PPP2R5C: variants seen among roughly 807,000 people sequenced by gnomAD.
PPP2R5C encodes the protein serine/threonine-protein phosphatase 2A 56 kDa regulatory subunit gamma isoform.
In PPP2R5C, 7 loss-of-function variants were observed where a neutral mutation model predicts 68.9. The observed-to-expected ratio is 0.10, with a 90% CI of 0.06 to 0.19. PPP2R5C has a LOEUF of 0.19. Among genes scored for constraint, PPP2R5C ranks in the 10% least tolerant of loss-of-function variants. The pLI is 1.00. For synonymous variants in PPP2R5C, 210 were observed against 222.2 expected (o/e 0.95, Z 0.49); for missense variants, 348 against 641.3 (o/e 0.54, Z 4.94).
chr14:101,925,106 G>A, intron 13 of PPP2R5C, 35 bp from the exon 16 acceptor site: 3 of 1,611,534 alleles, frequency 1.9e-6, no homozygotes, highest in South Asian at 2.2e-5. Context: ...AGATAGCTTA[G>A]TTTGTAGCCA....
rs1215471851 is a variant in PPP2R5C, at chr14:101,825,228, G to GTGTGTT, written c.94+15197_94+15198insTTGTGT. ...GTTTTCAGCGTGTGTGTGTGTGTGTGTGTGTGTGTGTGTGTGTGTGTTGAT... is the reference window on the plus strand; with the variant it reads ...GTTTTCAGCGTGTGTGTGTGTGTGTGTGTGTTTGTGTGTGTGTGTGTGTGTGTTGAT... On this transcript the variant is annotated intron_variant, in intron 1 of 13. Coordinates refer to ENST00000334743, the Ensembl canonical transcript of PPP2R5C. The surrounding 1 kb of genome is among the most constrained non-coding windows in gnomAD (Gnocchi z 4.0). 1.3e-5 allele frequency among the ~76,000 whole-genome samples: 2 copies of GTGTGTT among 151,672 alleles called. No homozygotes were observed. The highest frequency in any genetic ancestry group is 4.9e-5 in the African/African-American group (2 of 41,196).
At chr14:101,794,383 G>C (rs185172266) in intron 3 of PPP2R5C, among the ~76,000 whole-genome samples, 2 of 152,296 alleles carry the variant, frequency 1.3e-5, no homozygotes, top group East Asian at 3.9e-4. Context: ...ATTGCAGAAA[G>C]AAACAGCTGT....
chr14:101,777,510 C>T (rs900289270), intron 2 of PPP2R5C, among the ~76,000 whole-genome samples: 21 of 151,818 alleles, frequency 1.4e-4, no homozygotes, highest in African/African-American at 4.6e-4. Context: ...CCACCATGCC[C>T]GGCTAATTTT....
At chr14:101,795,774 T>A (rs1173701384) in intron 3 of PPP2R5C, among the ~76,000 whole-genome samples, 2 of 152,226 alleles carry the variant, frequency 1.3e-5, no homozygotes, top group Non-Finnish European at 2.9e-5. Context: ...ATATTTTATA[T>A]CTCTTGCTCT....
At chr14:101,810,833 T>C (rs1003904182) in intron 1 of PPP2R5C, among the ~76,000 whole-genome samples, 2 of 152,240 alleles carry the variant, frequency 1.3e-5, no homozygotes, top group African/African-American at 4.8e-5. Context: ...AGCGGTTATA[T>C]TGAACTACAG....
chr14:101,907,080 G>A (rs915749294), intron 10 of PPP2R5C, among the ~76,000 whole-genome samples: 3 of 152,148 alleles, frequency 2.0e-5, no homozygotes, highest in Non-Finnish European at 2.9e-5. Context: ...GAATAAATCC[G>A]TTTACTGAGC....
intron 2 of PPP2R5C, among the ~76,000 whole-genome samples, chr14:101,773,623 A>G (rs1457667386): frequency 1.3e-5 from 2 of 152,070 alleles, no homozygotes; most frequent in Admixed American, 6.5e-5. Context: ...GAGCACAGAC[A>G]AGGTAGGGTA....
exon 14 of PPP2R5C, chr14:101,927,242 C>T (rs1163892570): frequency 6.6e-6 from 1 of 152,208 alleles, no homozygotes. Context: ...CTGTGTAAAG[C>T]TCAGTGTGTA....
chr14:101,924,631 C>T (rs2047200502), intron 13 of PPP2R5C, among the ~76,000 whole-genome samples: 1 of 151,386 alleles, frequency 6.6e-6, no homozygotes, highest in African/African-American at 2.4e-5. Flanking sequence ...TTAGTAGAGA[C>T]GGGGTTTCAC....
chr14:101,810,484 T>C (rs868160163), intron 1 of PPP2R5C, among the ~76,000 whole-genome samples: 1 of 152,194 alleles, frequency 6.6e-6, no homozygotes, highest in African/African-American at 2.4e-5. Context: ...TAAAGATGAA[T>C]TGCAGTCAGA....
rs141804176 is a variant in PPP2R5C at position 101,859,159 on chromosome 14, G to A, written c.294+2274G>A. On this transcript the variant is annotated intron_variant, in intron 2 of 13. Transcript: ENST00000334743. ...TTTTGGGGTGAGGAAATAGAATGGC[G>A]AACAAGACTTCTGCCCTCCTAAAGC... Among the ~76,000 whole-genome samples, 336 of 152,334 alleles carry A rather than the reference G, an allele frequency of 2.2e-3. 4 individuals are homozygous for A. The highest frequency in any genetic ancestry group is 7.7e-3 in the African/African-American group (322 of 41,566).
intron 2 of PPP2R5C, among the ~76,000 whole-genome samples, chr14:101,769,505 AAAC>A (rs1287782534): frequency 6.6e-6 from 1 of 152,198 alleles, no homozygotes; most frequent in Non-Finnish European, 1.5e-5. Context: ...CAACAATAAA[AAAC>A]TTGTTTATTA....
At chr14:101,790,579 G>A (rs187418954) in intron 3 of PPP2R5C, among the ~76,000 whole-genome samples, 59 of 152,230 alleles carry the variant, frequency 3.9e-4, no homozygotes, top group Middle Eastern at 3.4e-3. Flanking sequence ...TTTTAATGCC[G>A]CATCATATTC....
intron 1 of PPP2R5C, among the ~76,000 whole-genome samples, chr14:101,848,011 A>G (rs1678004): frequency 0.24 from 36,277 of 151,952 alleles, 4,424 homozygotes; most frequent in African/African-American, 0.27. Context: ...TTATATCCCA[A>G]TTGCTCCCCA....
chr14:101,865,961 C>T (rs546554219), intron 2 of PPP2R5C, among the ~76,000 whole-genome samples: 3 of 152,306 alleles, frequency 2.0e-5, no homozygotes, highest in Admixed American at 6.5e-5. Context: ...AGTGCAGTGG[C>T]GTAATCTCGG....
chr14:101,859,799 C>T (rs1266633911), intron 2 of PPP2R5C, among the ~76,000 whole-genome samples: 3 of 152,178 alleles, frequency 2.0e-5, no homozygotes, highest in Non-Finnish European at 4.4e-5. Context: ...CTTAGAGCCC[C>T]TGTGTGCCCA....
intron 2 of PPP2R5C, chr14:101,766,846 C>T (rs1252149362): frequency 6.6e-6 from 1 of 152,190 alleles, no homozygotes; most frequent in East Asian, 1.9e-4. Context: ...CATAACTAGG[C>T]ACATTTTATG....
At chr14:101,794,397 C>T (rs2038512852) in intron 3 of PPP2R5C, among the ~76,000 whole-genome samples, 1 of 152,052 alleles carries the variant, frequency 6.6e-6, no homozygotes, top group African/African-American at 2.4e-5. Context: ...CAGCTGTTGA[C>T]TTTATTTATT....
upstream of PPP2R5C, among the ~76,000 whole-genome samples, chr14:101,809,641 C>T (rs1227251326): frequency 6.7e-6 from 1 of 150,122 alleles, no homozygotes; most frequent in African/African-American, 2.5e-5. Flanking sequence ...AGTATTCCCC[C>T]TAAGAGATGG....
Sources: allele counts gnomAD v4.1 joint callset (sites outside exome capture counted in the v4.1 genomes callset), GRCh38; gene constraint gnomAD v4.1.1; non-coding constraint Gnocchi (gnomAD v3.1); transcripts MANE v1.5; gene names NCBI Gene and HGNC (gene_info 2026-07-23, HGNC 2026-07-21).